SUMF1: variants seen among roughly 807,000 people sequenced by gnomAD.
SUMF1 encodes formylglycine-generating enzyme.
Under a neutral mutation model 47.6 loss-of-function variants are expected in SUMF1, and 48 were observed. The ratio of observed to expected loss-of-function variants is 1.01; its 90% CI spans 0.80 to 1.28. The LOEUF (loss-of-function observed/expected upper bound fraction) is 1.28. SUMF1 is among the 50% of genes most tolerant of loss of function. The probability of loss-of-function intolerance (pLI) is 0.00; values close to 1 mark genes in which losing one functional copy is unlikely to be tolerated. For synonymous variants in SUMF1, 230 were observed against 192.1 expected, an observed-to-expected ratio of 1.20 and a Z score of -1.63; for missense variants, 571 against 485.4, an observed-to-expected ratio of 1.18 and a Z score of -1.66.
chr3:4,123,252 G>A lies in SUMF1; in HGVS notation c.1015-54507C>T, dbSNP rs547314456. On this transcript the variant is annotated intron_variant and NMD_transcript_variant, in intron 8 of 12. Coordinates refer to the SUMF1 transcript ENST00000448413. ...GTTGAGAACTAAATCTTCAGCATGAGGACCGGTGTGTGGGAGTGATACCAC... is the reference window on the plus strand; with the variant it reads ...GTTGAGAACTAAATCTTCAGCATGAAGACCGGTGTGTGGGAGTGATACCAC... Among the ~76,000 whole-genome samples, 4 of 152,150 alleles carry A rather than the reference G, an allele frequency of 2.6e-5. No homozygotes were observed. In the South Asian group the frequency reaches 8.3e-4, roughly 32 times the overall value.
At chr3:4,322,420 T>C (rs1454241184) in intron 8 of SUMF1, among the ~76,000 whole-genome samples, 1 of 152,042 alleles carries the variant, frequency 6.6e-6, no homozygotes, top group African/African-American at 2.4e-5. Flanking sequence ...ATGGGATATA[T>C]AGGACCTTTC....
chr3:4,377,975 A>C (rs1479298961), intron 7 of SUMF1, among the ~76,000 whole-genome samples: 1 of 152,238 alleles, frequency 6.6e-6, no homozygotes, highest in African/African-American at 2.4e-5. Flanking sequence ...GTTTTCTCCA[A>C]GCATGGCTAA....
chr3:4,211,199 C>CATATAT lies in SUMF1; in HGVS notation c.1015-142455_1015-142454insATATAT, dbSNP rs3046224. Among the ~76,000 whole-genome samples the CATATAT allele has an allele frequency of 8.3e-3, 704 of 84,952 alleles. 31 individuals are homozygous for CATATAT. Among genetic ancestry groups the CATATAT allele is most frequent in the East Asian group, 0.046 (167 of 3,654 alleles). The allele number at this position is 84,952 out of a possible 152,430, so 55.7% of individuals were successfully genotyped here. ...ATATATATACATATACATATACATA[C>CATATAT]ATACATATATATATATATATATATA... is the stretch of plus-strand genomic sequence containing the variant. On this transcript the variant is annotated intron_variant and NMD_transcript_variant, in intron 8 of 12. Transcript: ENST00000448413.
At chr3:4,129,176 T>G (rs1041584397) in intron 8 of SUMF1, among the ~76,000 whole-genome samples, 4 of 152,056 alleles carry the variant, frequency 2.6e-5, no homozygotes, top group Non-Finnish European at 4.4e-5. Context: ...GCATGTCATA[T>G]CTAACGGTGG....
At position 4,131,346 on chromosome 3, in the gene SUMF1, C is replaced by A. The variant is rs546836549; in HGVS notation, c.1015-62601G>T. On this transcript the variant is annotated intron_variant and NMD_transcript_variant, in intron 8 of 12. Coordinates refer to the SUMF1 transcript ENST00000448413. ...CCTGCCTGCTCTTCCCCAGCCTGCA[C>A]CAATGGCCTCATGGGGAGTTCCCTA... is the stretch of plus-strand genomic sequence containing the variant. Among the ~76,000 whole-genome samples the A allele has an allele frequency of 1.2e-4, 18 of 152,250 alleles. No individual in the cohort carries two copies. In the South Asian group the frequency reaches 3.3e-3, roughly 28 times the overall value.
At chr3:4,177,051 G>A (rs1017149385) in intron 8 of SUMF1, among the ~76,000 whole-genome samples, 2 of 152,088 alleles carry the variant, frequency 1.3e-5, no homozygotes, top group African/African-American at 4.8e-5. Flanking sequence ...AGTCTTTAGA[G>A]ACCTACAAAG....
chr3:4,059,493 G>A (rs1361285856), intron 9 of SUMF1, among the ~76,000 whole-genome samples: 1 of 152,132 alleles, frequency 6.6e-6, no homozygotes, highest in Admixed American at 6.6e-5. Context: ...TGATAGTTCT[G>A]CCTATGACTG....
chr3:4,243,729 T>G (rs1443922548), intron 8 of SUMF1, among the ~76,000 whole-genome samples: 1 of 152,174 alleles, frequency 6.6e-6, no homozygotes, highest in Non-Finnish European at 1.5e-5. Flanking sequence ...CTGAGAAGAA[T>G]GTATATTCTG....
intron 8 of SUMF1, among the ~76,000 whole-genome samples, chr3:4,168,289 A>G (rs1470533077): frequency 6.6e-6 from 1 of 152,154 alleles, no homozygotes; most frequent in East Asian, 1.9e-4. Context: ...AACATATGCA[A>G]AATTTCAATT....
chr3:4,319,053 A>C (rs983540130), intron 8 of SUMF1, among the ~76,000 whole-genome samples: 2 of 152,240 alleles, frequency 1.3e-5, no homozygotes, highest in Admixed American at 1.3e-4. Context: ...ATTTAAAACT[A>C]TAAGTTATCC....
intron 8 of SUMF1, among the ~76,000 whole-genome samples, chr3:4,288,316 T>A (rs1697676054): frequency 6.6e-6 from 1 of 152,154 alleles, no homozygotes; most frequent in East Asian, 1.9e-4. Flanking sequence ...TGTCATCAGC[T>A]TTAGGCAAAG....
intron 6 of SUMF1, 72 bp from the exon 7 acceptor site, chr3:4,411,050 G>A (rs976002185): frequency 1.7e-6 from 2 of 1,183,980 alleles, no homozygotes; most frequent in Admixed American, 1.7e-5. Context: ...GTGCAGAAAT[G>A]CAGCAAGAGC....
chr3:4,151,429 A>ATG (rs1453143915), intron 8 of SUMF1, among the ~76,000 whole-genome samples: 51 of 62,022 alleles, frequency 8.2e-4, no homozygotes, highest in Admixed American at 6.9e-3. Context: ...ATGTGTATAC[A>ATG]TGTGTATATA....
intron 3 of SUMF1, among the ~76,000 whole-genome samples, chr3:4,443,134 C>T (rs1014001249): frequency 1.3e-5 from 2 of 151,786 alleles, no homozygotes; most frequent in African/African-American, 2.4e-5. Context: ...AAACATTAGC[C>T]GGGCGTGGTG....
At chr3:4,159,983 C>G (rs138310828) in intron 8 of SUMF1, among the ~76,000 whole-genome samples, 1 of 152,162 alleles carries the variant, frequency 6.6e-6, no homozygotes, top group African/African-American at 2.4e-5. Context: ...TTTTAGAATC[C>G]TTTCTTTATC....
At chr3:4,284,183 G>A (rs141446674) in intron 8 of SUMF1, among the ~76,000 whole-genome samples, 1 of 152,120 alleles carries the variant, frequency 6.6e-6, no homozygotes, top group Non-Finnish European at 1.5e-5. Context: ...TGGGAGCTGA[G>A]GCAGGCAGAT....
intron 8 of SUMF1, among the ~76,000 whole-genome samples, chr3:4,180,418 AT>A (rs1279549534): frequency 6.6e-6 from 1 of 152,032 alleles, no homozygotes; most frequent in Non-Finnish European, 1.5e-5. Flanking sequence ...ACTGGAAACC[AT>A]CATTCTCAGC....
intron 8 of SUMF1, among the ~76,000 whole-genome samples, chr3:4,142,427 T>C (rs1694092598): frequency 6.6e-6 from 1 of 152,166 alleles, no homozygotes; most frequent in Non-Finnish European, 1.5e-5. Flanking sequence ...GTAGGAATAG[T>C]GTCTTTTATT....
In SUMF1 at chr3:4,309,242, C is replaced by G. The variant is rs1165484959; in HGVS notation, c.1014+67088G>C. Among the ~76,000 whole-genome samples the G allele has an allele frequency of 2.6e-5, 4 of 152,132 alleles. No individual in the cohort carries two copies. In the South Asian group the frequency reaches 8.3e-4, roughly 32 times the overall value. On this transcript the variant is annotated intron_variant and NMD_transcript_variant, in intron 8 of 12. Coordinates refer to the SUMF1 transcript ENST00000448413. ...TTTTATCAGACTTAAAGAGTCTGTT[C>G]TATCAGTAATTCCAAAAGGGAAGAG...
Sources: gnomAD v4.1 joint callset for allele counts (sites outside exome capture counted in the v4.1 genomes callset) on GRCh38, gnomAD v4.1.1 for gene constraint, MANE v1.5 for transcripts, NCBI Gene and HGNC (gene_info 2026-07-23, HGNC 2026-07-21) for gene names.